PRMT8: variants seen among roughly 807,000 people sequenced by gnomAD.
PRMT8 encodes protein arginine N-methyltransferase 8.
Under a neutral mutation model 47.1 loss-of-function variants are expected in PRMT8, and 7 were observed. That is an observed-to-expected ratio of 0.15 (90% CI 0.08 to 0.28). The LOEUF is 0.28. Among genes scored for constraint, PRMT8 ranks in the 10% least tolerant of loss-of-function variants. The pLI is 1.00. For missense variants in PRMT8, 237 were observed against 505.4 expected, an observed-to-expected ratio of 0.47 and a Z score of 5.09; for synonymous variants, 188 against 186.5, an observed-to-expected ratio of 1.01 and a Z score of -0.07.
intron 1 of PRMT8, among the ~76,000 whole-genome samples, chr12:3,401,146 T>G: frequency 2.9e-5 from 1 of 34,770 alleles, no homozygotes; most frequent in Non-Finnish European, 5.7e-5. Flanking sequence ...AAACTCCATC[T>G]CAAAAAAAAA....
chr12:3,417,842 A>T (rs989066337), intron 1 of PRMT8, among the ~76,000 whole-genome samples: 9 of 152,240 alleles, frequency 5.9e-5, no homozygotes, highest in African/African-American at 2.2e-4. Context: ...TTGCCTTGAG[A>T]GTGACCTTGA....
At chr12:3,568,574 G>A (rs1866777053) in intron 4 of PRMT8, 132 bp from the exon 5 acceptor site, 2 of 972,988 alleles carry the variant, frequency 2.1e-6, no homozygotes, top group Non-Finnish European at 3.1e-6. Flanking sequence ...TTGGTAAAGG[G>A]TGAGCTACAT....
intron 8 of PRMT8, among the ~76,000 whole-genome samples, chr12:3,587,248 A>C (rs1183774793): frequency 6.7e-6 from 1 of 149,126 alleles, no homozygotes; most frequent in Non-Finnish European, 1.5e-5. Context: ...CAGCAACTAG[A>C]ATATAAATTA....
chr12:3,429,505 C>T (rs1177433143), intron 1 of PRMT8, among the ~76,000 whole-genome samples: 1 of 152,222 alleles, frequency 6.6e-6, no homozygotes, highest in East Asian at 1.9e-4. Flanking sequence ...GGCACACACA[C>T]ACTTTTACAG....
At chr12:3,422,942 C>T (rs1441521442) in intron 1 of PRMT8, among the ~76,000 whole-genome samples, 2 of 152,210 alleles carry the variant, frequency 1.3e-5, no homozygotes, top group Non-Finnish European at 2.9e-5. Flanking sequence ...TCATATAGTA[C>T]ACTTGTGCTG....
upstream of PRMT8, among the ~76,000 whole-genome samples, chr12:3,488,022 C>A (rs1002414135): frequency 3.9e-5 from 6 of 152,206 alleles, no homozygotes; most frequent in African/African-American, 1.4e-4. Flanking sequence ...GTCTTGCTCC[C>A]TGAACCTGGT....
intron 6 of PRMT8, among the ~76,000 whole-genome samples, chr12:3,571,664 T>G (rs928702207): frequency 2.0e-5 from 3 of 152,160 alleles, no homozygotes; most frequent in African/African-American, 7.2e-5. Flanking sequence ...TATCTTGTGC[T>G]TGTTCTAGAG....
intron 1 of PRMT8, among the ~76,000 whole-genome samples, chr12:3,510,973 C>A (rs1377828775): frequency 6.6e-6 from 1 of 152,216 alleles, no homozygotes; most frequent in Non-Finnish European, 1.5e-5. Flanking sequence ...ACCCGTGATC[C>A]TGACCCTGCT....
At chr12:3,413,193 T>C (rs1027542370) in intron 1 of PRMT8, among the ~76,000 whole-genome samples, 1 of 152,170 alleles carries the variant, frequency 6.6e-6, no homozygotes, top group Non-Finnish European at 1.5e-5. Flanking sequence ...GGTTTTACCA[T>C]ATTGGTCAGG....
intron 1 of PRMT8, among the ~76,000 whole-genome samples, chr12:3,415,679 A>T (rs371403689): frequency 1.5e-4 from 23 of 152,356 alleles, no homozygotes; most frequent in African/African-American, 5.5e-4. Context: ...ACAGTGGAGG[A>T]AGGAAGGTGG....
chr12:3,569,468 C>A lies in PRMT8; in HGVS notation c.625-9C>A, dbSNP rs936336538. On this transcript the variant is annotated splice_polypyrimidine_tract_variant and intron_variant, in intron 5 of 9. Coordinates refer to ENST00000382622, the MANE Select transcript of PRMT8 (RefSeq NM_019854.5). The surrounding 1 kb of genome is among the most constrained non-coding windows in gnomAD (Gnocchi z 8.2). ...TTACGAGACCCATTTCCCCACAATT[C>A]ATCAACAGAAACCTGGAGGGCTTAT... 4 of 1,612,534 alleles carry A rather than the reference C, an allele frequency of 2.5e-6. No individual in the cohort carries two copies. Among genetic ancestry groups the A allele is most frequent in the Non-Finnish European group, 3.4e-6 (4 of 1,178,604 alleles).
chr12:3,568,646 T>C, intron 4 of PRMT8, 60 bp from the exon 5 acceptor site: 1 of 1,599,426 alleles, frequency 6.3e-7, no homozygotes, highest in Non-Finnish European at 8.6e-7. Flanking sequence ...TGAAGTGAGG[T>C]GCTTGTGGTT....
Position 3,514,506 on chromosome 12 carries a change from A to G in PRMT8, c.75+22806A>G, listed in dbSNP as rs1437216746. On this transcript the variant is annotated intron_variant, in intron 1 of 9. Transcript: ENST00000382622. The surrounding 1 kb of genome is among the most constrained non-coding windows in gnomAD (Gnocchi z 5.9). The stretch of plus-strand genomic sequence containing the variant: ...TGAAGATGTCCAATATAAGCGGGTC[A>G]GGGTCACCCTGCCTCCAAGTGGAAT... Among the ~76,000 whole-genome samples the G allele has an allele frequency of 6.6e-6, 1 of 152,192 alleles. No homozygotes were observed. The highest frequency in any genetic ancestry group is 1.5e-5 in the Non-Finnish European group (1 of 68,040).
At chr12:3,565,342 G>A (rs1866702112) in intron 4 of PRMT8, among the ~76,000 whole-genome samples, 1 of 152,134 alleles carries the variant, frequency 6.6e-6, no homozygotes, top group African/African-American at 2.4e-5. Context: ...AAGAGCGTAA[G>A]TTGCTGCCTT....
intron 2 of PRMT8, among the ~76,000 whole-genome samples, chr12:3,542,917 C>T (rs1239071415): frequency 2.0e-5 from 3 of 152,240 alleles, no homozygotes; most frequent in Non-Finnish European, 2.9e-5. Flanking sequence ...GTCATTCAGG[C>T]GATGCCTGGT....
intron 1 of PRMT8, among the ~76,000 whole-genome samples, chr12:3,471,928 T>A (rs1865166805): frequency 6.6e-6 from 1 of 151,460 alleles, no homozygotes; most frequent in South Asian, 2.1e-4. Context: ...GGGGTGAGGG[T>A]AGGAGAATGT....
chr12:3,517,717 G>A (rs1450240739), intron 1 of PRMT8, among the ~76,000 whole-genome samples: 1 of 152,074 alleles, frequency 6.6e-6, no homozygotes, highest in Non-Finnish European at 1.5e-5. Flanking sequence ...TCTAGGCCTA[G>A]GGAACAAGGG....
At chr12:3,507,758 C>CT (rs928102421) in intron 1 of PRMT8, among the ~76,000 whole-genome samples, 4,076 of 132,680 alleles carry the variant, frequency 0.031, 169 homozygotes, top group African/African-American at 0.087. Flanking sequence ...TCTTCTCCTT[C>CT]TTTTTTTTTT....
At chr12:3,530,801 C>T (rs534013073) in intron 1 of PRMT8, among the ~76,000 whole-genome samples, 3 of 152,290 alleles carry the variant, frequency 2.0e-5, no homozygotes, top group African/African-American at 4.8e-5. Flanking sequence ...ACGGCGAGAG[C>T]GGGAAGCCTG....
Sources: gnomAD v4.1 joint callset for allele counts (sites outside exome capture counted in the v4.1 genomes callset) on GRCh38, gnomAD v4.1.1 for gene constraint, Gnocchi (gnomAD v3.1) non-coding constraint, MANE v1.5 for transcripts, NCBI Gene and HGNC (gene_info 2026-07-23, HGNC 2026-07-21) for gene names.